LSAMP: variants seen among roughly 807,000 people sequenced by gnomAD.
The protein encoded by LSAMP is limbic system associated membrane protein.
A neutral mutation model predicts 38.6 loss-of-function variants in LSAMP; 7 were observed. That is an observed-to-expected ratio of 0.18 (90% CI 0.10 to 0.34). LSAMP has a LOEUF of 0.34. Among genes scored for constraint, LSAMP ranks in the 10% least tolerant of loss-of-function variants. The pLI is 1.00. For missense variants in LSAMP, 313 were observed against 420.0 expected (o/e 0.75, Z 2.23); for synonymous variants, 154 against 166.8 (o/e 0.92, Z 0.59).
intron 1 of LSAMP, among the ~76,000 whole-genome samples, chr3:116,354,893 T>C (rs979048116): frequency 3.3e-5 from 5 of 149,964 alleles, no homozygotes; most frequent in Admixed American, 6.6e-5. Flanking sequence ...GTGTGTTATA[T>C]TTTCTTGAGG....
intron 3 of LSAMP, among the ~76,000 whole-genome samples, chr3:115,902,703 AAAG>A (rs1343511454): frequency 6.6e-6 from 1 of 152,214 alleles, no homozygotes; most frequent in Non-Finnish European, 1.5e-5. Context: ...ACACTTTTCA[AAAG>A]AAGACATACA....
At chr3:116,303,335 C>T (rs1057306687) in intron 1 of LSAMP, among the ~76,000 whole-genome samples, 9 of 152,148 alleles carry the variant, frequency 5.9e-5, no homozygotes, top group African/African-American at 1.7e-4. Context: ...TTGCTTACTT[C>T]GGATTGTAAA....
At chr3:116,391,469 TTGGAGCCTGCCCCTGGGAGACTTC>T (rs1396314996) in intron 1 of LSAMP, among the ~76,000 whole-genome samples, 4 of 152,238 alleles carry the variant, frequency 2.6e-5, no homozygotes, top group Admixed American at 1.3e-4. Context: ...CGGACAGTCT[TTGGAGCCTGCCCCTGGGAGACTTC>T]TGGAGCCCAC....
intron 2 of LSAMP, among the ~76,000 whole-genome samples, chr3:116,046,472 T>C (rs1195803097): frequency 6.6e-6 from 1 of 152,198 alleles, no homozygotes; most frequent in African/African-American, 2.4e-5. Flanking sequence ...GTCTAATTGA[T>C]TTGGACACCA....
rs570066462 is a variant in LSAMP, at chr3:116,366,741, G to A, written c.155+78136C>T. Among the ~76,000 whole-genome samples the A allele has an allele frequency of 5.3e-5, 8 of 152,240 alleles. No individual in the cohort carries two copies. The South Asian group carries it at 6.2e-4, about 12-fold the overall frequency. ...GTTAAACTCTGTGCTCTTAAGGGTC[G>A]TCATCCTCTCTGCTTTACTACAATA... On this transcript the variant is annotated intron_variant, in intron 1 of 6. Transcript: ENST00000490035.
intron 1 of LSAMP, among the ~76,000 whole-genome samples, chr3:116,124,461 C>T (rs536245609): frequency 6.6e-6 from 1 of 152,156 alleles, no homozygotes; most frequent in South Asian, 2.1e-4. Flanking sequence ...AGTTGATTTG[C>T]ATTAAGTCAT....
At chr3:116,267,976 G>A (rs561108605) in intron 1 of LSAMP, among the ~76,000 whole-genome samples, 1 of 152,248 alleles carries the variant, frequency 6.6e-6, no homozygotes, top group East Asian at 1.9e-4. Flanking sequence ...CCAGGAGGAT[G>A]AAAGCAACAC....
Position 116,116,173 on chromosome 3 carries a change from G to A in LSAMP, c.156-29617C>T, listed in dbSNP as rs894955781. 1.9e-4 allele frequency among the ~76,000 whole-genome samples: 27 copies of A among 144,470 alleles called. 1 individual carries two copies. The highest frequency in any genetic ancestry group is 6.9e-4 in the African/African-American group (27 of 38,948). 94.8% of individuals were successfully genotyped at this position (144,470 alleles called of 152,430 possible). On this transcript the variant is annotated intron_variant, in intron 1 of 6. Transcript: ENST00000490035. ...ATTTTCTCAGCTTTTATATCATTAT[G>A]TCTATTGGGTTTTTTATTACTACCG...
intron 1 of LSAMP, among the ~76,000 whole-genome samples, chr3:116,164,681 ATAATCCAAATATATATATATAT>A: frequency 2.9e-5 from 4 of 138,770 alleles, no homozygotes; most frequent in Non-Finnish European, 6.2e-5. Flanking sequence ...ATATATATAT[ATAATCCAAATATATATATATAT>A]AATCCAAATA....
chr3:116,269,093 C>T (rs2107667649), intron 1 of LSAMP, among the ~76,000 whole-genome samples: 1 of 152,126 alleles, frequency 6.6e-6, no homozygotes, highest in African/African-American at 2.4e-5. Flanking sequence ...TTCATCATCA[C>T]CTCTGTTCAT....
At chr3:116,093,432 G>A (rs942355504) in intron 1 of LSAMP, among the ~76,000 whole-genome samples, 2 of 152,190 alleles carry the variant, frequency 1.3e-5, no homozygotes, top group Admixed American at 6.5e-5. Flanking sequence ...CTAAAGTGCA[G>A]TAGTGTGTTT....
intron 4 of LSAMP, among the ~76,000 whole-genome samples, chr3:115,845,168 G>A (rs1408770526): frequency 6.6e-6 from 1 of 152,148 alleles, no homozygotes; most frequent in Admixed American, 6.5e-5. Flanking sequence ...AGATTCATAA[G>A]TAAAGAAGTA....
intron 1 of LSAMP, among the ~76,000 whole-genome samples, chr3:116,384,043 G>A (rs2048594323): frequency 1.3e-5 from 2 of 152,032 alleles, no homozygotes; most frequent in Non-Finnish European, 2.9e-5. Context: ...TGTTAAACAA[G>A]TACATGCTCA....
At chr3:116,169,545 A>G (rs1055451936) in intron 1 of LSAMP, among the ~76,000 whole-genome samples, 1 of 152,166 alleles carries the variant, frequency 6.6e-6, no homozygotes, top group African/African-American at 2.4e-5. Context: ...TGAACAATAC[A>G]CAGCCCTACG....
chr3:116,439,779 G>A (rs1436668599), intron 1 of LSAMP, among the ~76,000 whole-genome samples: 2 of 152,232 alleles, frequency 1.3e-5, no homozygotes, highest in East Asian at 3.9e-4. Flanking sequence ...CTGGAGCGCA[G>A]TGGCGCGATC....
intron 1 of LSAMP, among the ~76,000 whole-genome samples, chr3:116,170,840 G>A (rs978070017): frequency 3.3e-5 from 5 of 151,898 alleles, no homozygotes; most frequent in African/African-American, 4.8e-5. Flanking sequence ...CACAAGTTGG[G>A]CAGGCTCCAG....
intron 3 of LSAMP, among the ~76,000 whole-genome samples, chr3:115,949,541 A>G (rs1938214619): frequency 6.6e-6 from 1 of 152,060 alleles, no homozygotes; most frequent in Admixed American, 6.5e-5. Context: ...AGAAATAGAA[A>G]CTCTGAACAG....
chr3:116,356,855 G>A (rs933528280), intron 1 of LSAMP, among the ~76,000 whole-genome samples: 18 of 152,092 alleles, frequency 1.2e-4, no homozygotes, highest in Non-Finnish European at 1.6e-4. Flanking sequence ...GTGCAGTGGC[G>A]CCATCTCGGC....
At chr3:115,818,769 G>A (rs1254698631) in intron 6 of LSAMP, among the ~76,000 whole-genome samples, 10 of 77,074 alleles carry the variant, frequency 1.3e-4, no homozygotes, top group South Asian at 5.7e-4. Context: ...ATATATATAA[G>A]AAAGAAGGAA....
Sources: allele counts gnomAD v4.1 joint callset (sites outside exome capture counted in the v4.1 genomes callset), GRCh38; gene constraint gnomAD v4.1.1; transcripts MANE v1.5; gene names NCBI Gene and HGNC (gene_info 2026-07-23, HGNC 2026-07-21).